Variants in RNF121 observed in about 807,000 individuals in gnomAD.
RNF121 encodes the protein ring finger protein 121, also known as E3 ubiquitin ligase RNF121.
A neutral mutation model predicts 46.5 loss-of-function variants in RNF121; 21 were observed. The ratio of observed to expected loss-of-function variants is 0.45; its 90% CI spans 0.32 to 0.65. RNF121 has a LOEUF of 0.65. RNF121 is among the 30% of genes least tolerant of loss of function. The probability of loss-of-function intolerance (pLI) is 0.04; values close to 1 mark genes in which losing one functional copy is unlikely to be tolerated. For synonymous variants in RNF121, 139 were observed against 144.7 expected (o/e 0.96, Z 0.28); for missense variants, 346 against 416.0 (o/e 0.83, Z 1.46).
Position 71,996,413 on chromosome 11 carries a change from A to G in RNF121, c.*98A>G. Reference sequence around the variant, plus strand: ...AGACCTCCTGGGTGGGAAAGACTCAAAGGGGTGCTTGGGCCACTCAGGACC... The same window carrying G: ...AGACCTCCTGGGTGGGAAAGACTCAGAGGGGTGCTTGGGCCACTCAGGACC... On this transcript the variant is annotated 3_prime_UTR_variant, in exon 9 of 9. Transcript: ENST00000361756. 6.8e-7 allele frequency: 1 copy of G among 1,475,542 alleles called. No homozygotes were observed. Among genetic ancestry groups the G allele is most frequent in the Admixed American group, 2.0e-5 (1 of 49,392 alleles). 91.4% of individuals were successfully genotyped at this position (1,475,542 alleles called of 1,614,324 possible).
chr11:71,989,121 G>A (rs1954821714), intron 5 of RNF121, among the ~76,000 whole-genome samples: 1 of 152,054 alleles, frequency 6.6e-6, no homozygotes, highest in South Asian at 2.1e-4. Flanking sequence ...GTCTTGCTTT[G>A]TCGCCTAGGC....
At chr11:71,968,748 T>G (rs1954349025) in intron 3 of RNF121, among the ~76,000 whole-genome samples, 2 of 152,184 alleles carry the variant, frequency 1.3e-5, no homozygotes, top group Admixed American at 1.3e-4. Context: ...TATTGTTTCC[T>G]TTGTGGAGAA....
intron 1 of RNF121, among the ~76,000 whole-genome samples, chr11:71,955,180 T>C (rs1953964367): frequency 6.6e-6 from 1 of 152,224 alleles, no homozygotes; most frequent in Admixed American, 6.5e-5. Context: ...GAGTGAGTGC[T>C]TCCTTAAATT....
chr11:71,945,855 G>A (rs1953701932), intron 1 of RNF121, among the ~76,000 whole-genome samples: 1 of 152,166 alleles, frequency 6.6e-6, no homozygotes, highest in Non-Finnish European at 1.5e-5. Context: ...GCTTACACCT[G>A]TAATCCCAGC....
chr11:71,982,127 C>T (rs1280603029), intron 3 of RNF121, among the ~76,000 whole-genome samples: 1 of 151,864 alleles, frequency 6.6e-6, no homozygotes, highest in Non-Finnish European at 1.5e-5. Context: ...GGGGCCATAC[C>T]ATGGGGGATT....
At chr11:71,982,582 A>G (rs776592731) in intron 3 of RNF121, among the ~76,000 whole-genome samples, 179 bp from the exon 4 acceptor site, 2 of 152,156 alleles carry the variant, frequency 1.3e-5, no homozygotes, top group Non-Finnish European at 2.9e-5. Context: ...GATGAAAGGG[A>G]GGAGGAGTCA....
intron 1 of RNF121, among the ~76,000 whole-genome samples, chr11:71,935,456 G>A (rs1043316004): frequency 1.3e-5 from 2 of 152,152 alleles, no homozygotes; most frequent in African/African-American, 2.4e-5. Flanking sequence ...TGTCCATCCT[G>A]TTCTATGCTA....
At chr11:71,969,544 C>T (rs10501408) in intron 3 of RNF121, among the ~76,000 whole-genome samples, 140,710 of 152,198 alleles carry the variant, frequency 0.92, 65,308 homozygotes, top group Non-Finnish European at 0.98. Context: ...TTTAAAATTA[C>T]GTATATGTGT....
At chr11:71,980,900 G>A (rs7113520) in intron 3 of RNF121, among the ~76,000 whole-genome samples, 140,775 of 152,304 alleles carry the variant, frequency 0.92, 65,322 homozygotes, top group Non-Finnish European at 0.98. Context: ...TATTTTGTAT[G>A]TATTGGAATA....
chr11:71,979,201 CT>C (rs1252513191), intron 3 of RNF121, among the ~76,000 whole-genome samples: 1 of 152,158 alleles, frequency 6.6e-6, no homozygotes, highest in African/African-American at 2.4e-5. Context: ...TTGATAGAAA[CT>C]TAGCCTGTTA....
chr11:71,957,287 T>C, intron 2 of RNF121, 23 bp downstream of exon 2: 1 of 1,527,786 alleles, frequency 6.5e-7, no homozygotes, highest in Non-Finnish European at 9.0e-7. Flanking sequence ...GTTCGGGCCC[T>C]GCAGTCTAGG....
chr11:71,930,729 A>G (rs1298350268), intron 1 of RNF121, among the ~76,000 whole-genome samples: 1 of 152,342 alleles, frequency 6.6e-6, no homozygotes, highest in Middle Eastern at 3.4e-3. Context: ...TTTGTTAGTC[A>G]TGGGCTCTCC....
At chr11:71,995,055 G>T (rs1246019361) in intron 7 of RNF121, among the ~76,000 whole-genome samples, 2 of 152,224 alleles carry the variant, frequency 1.3e-5, no homozygotes, top group South Asian at 2.1e-4. Flanking sequence ...GGCTGGGTCT[G>T]AGAGGAACCT....
At chr11:71,975,062 A>G (rs1954501334) in intron 3 of RNF121, among the ~76,000 whole-genome samples, 1 of 152,164 alleles carries the variant, frequency 6.6e-6, no homozygotes, top group Non-Finnish European at 1.5e-5. Flanking sequence ...ACTACCAAAT[A>G]TAGTATCTCT....
intron 7 of RNF121, chr11:71,995,160 A>G: frequency 1.8e-6 from 1 of 564,026 alleles, no homozygotes; most frequent in Non-Finnish European, 3.2e-6. Context: ...GTTTAGCATC[A>G]TCCTCTGTTC....
At chr11:71,977,810 C>T (rs1954558906) in intron 3 of RNF121, among the ~76,000 whole-genome samples, 1 of 152,184 alleles carries the variant, frequency 6.6e-6, no homozygotes, top group African/African-American at 2.4e-5. Flanking sequence ...GTACTGGCCA[C>T]CTAATTCATG....
At chr11:71,945,433 T>C (rs996558556) in intron 1 of RNF121, among the ~76,000 whole-genome samples, 2 of 152,230 alleles carry the variant, frequency 1.3e-5, no homozygotes, top group Admixed American at 1.3e-4. Flanking sequence ...TGCAATATCA[T>C]CCCCACTGTT....
rs1258093036 is a variant in RNF121, at chr11:71,994,007, A to AT, written c.628-706dup. 5.3e-5 allele frequency among the ~76,000 whole-genome samples: 8 copies of AT among 151,754 alleles called. No individual in the cohort carries two copies. In the East Asian group the frequency reaches 9.7e-4, roughly 18 times the overall value. The stretch of plus-strand genomic sequence containing the variant: ...AGGCGCCCCCCACCATGCCTGGCTA[A>AT]TTTTTTGTATTTTTAGTAGAGACGG... On this transcript the variant is annotated intron_variant, in intron 6 of 8. Transcript: ENST00000361756.
intron 6 of RNF121, 137 bp downstream of exon 6, chr11:71,990,854 G>A: frequency 2.0e-6 from 2 of 999,536 alleles, no homozygotes; most frequent in Non-Finnish European, 2.9e-6. Context: ...GCATATGCAT[G>A]GACATTCCTT....
Sources: allele counts gnomAD v4.1 joint callset (sites outside exome capture counted in the v4.1 genomes callset), GRCh38; gene constraint gnomAD v4.1.1; transcripts MANE v1.5; gene names NCBI Gene and HGNC (gene_info 2026-07-23, HGNC 2026-07-21).